The following PSMG2 variants were observed in gnomAD, a reference collection of about 807,000 sequenced individuals.
The protein encoded by PSMG2 is CD40 ligand-activated specific transcript 3.
PSMG2 carries 21 observed loss-of-function variants against 31.5 expected under a neutral mutation model. The ratio of observed to expected loss-of-function variants is 0.67; its 90% confidence interval spans 0.47 to 0.96. The LOEUF is 0.96. PSMG2 is among the 40% of genes least tolerant of loss of function. The probability of loss-of-function intolerance (pLI) is 0.00; values close to 1 mark genes in which losing one functional copy is unlikely to be tolerated. For missense variants in PSMG2, 318 were observed against 321.2 expected, an observed-to-expected ratio of 0.99 and a Z score of 0.08; for synonymous variants, 120 against 110.4, an observed-to-expected ratio of 1.09 and a Z score of -0.54.
intron 1 of PSMG2, among the ~76,000 whole-genome samples, chr18:12,683,186 CAAAAA>C (rs765652085): frequency 7.9e-5 from 5 of 63,662 alleles, no homozygotes; most frequent in Non-Finnish European, 1.2e-4. Flanking sequence ...CTAAAAATAC[CAAAAA>C]AAAAAAAAAA....
chr18:12,699,101 C>A (rs199598581), upstream of PSMG2: 14 of 1,613,912 alleles, frequency 8.7e-6, no homozygotes, highest in Non-Finnish European at 1.2e-5. Flanking sequence ...AAACGTTGAA[C>A]AAACTTGTCC....
chr18:12,720,086 A>G (rs2145150257), intron 4 of PSMG2, among the ~76,000 whole-genome samples: 1 of 144,012 alleles, frequency 6.9e-6, no homozygotes, highest in African/African-American at 2.6e-5. Context: ...TCACTCTGTC[A>G]CCCAGGCTGG....
intron 1 of PSMG2, among the ~76,000 whole-genome samples, chr18:12,706,204 C>T (rs995077718): frequency 5.9e-5 from 9 of 152,218 alleles, no homozygotes; most frequent in African/African-American, 2.2e-4. Flanking sequence ...CGTGTTGGCT[C>T]ACGCCTGTAA....
chr18:12,701,775 G>A (rs2040161083), upstream of PSMG2, among the ~76,000 whole-genome samples: 1 of 152,172 alleles, frequency 6.6e-6, no homozygotes, highest in Non-Finnish European at 1.5e-5. Flanking sequence ...ACTTATTTGA[G>A]AATTGCTGAT....
At chr18:12,688,162 C>T (rs901083954) in intron 1 of PSMG2, among the ~76,000 whole-genome samples, 15 of 139,720 alleles carry the variant, frequency 1.1e-4, no homozygotes, top group African/African-American at 4.0e-4. Context: ...ATCTGGGAGG[C>T]GGAGCTTGCA....
chr18:12,662,562 G>A (rs1371167777), intron 1 of PSMG2, among the ~76,000 whole-genome samples: 3 of 152,146 alleles, frequency 2.0e-5, no homozygotes, highest in Non-Finnish European at 4.4e-5. Flanking sequence ...CATCATTTGA[G>A]CTCACAAGTT....
At chr18:12,702,470 C>A (rs1264826253), upstream of PSMG2, 1 of 1,594,414 alleles carries the variant, frequency 6.3e-7, no homozygotes, top group Non-Finnish European at 8.6e-7. Context: ...TCTCTCCCAG[C>A]ACCCGCGACT....
intron 1 of PSMG2, among the ~76,000 whole-genome samples, chr18:12,674,286 A>T (rs549564459): frequency 2.0e-5 from 3 of 151,824 alleles, no homozygotes; most frequent in East Asian, 1.9e-4. Context: ...AAATAAAGAT[A>T]AAAAAAATAG....
At chr18:12,665,041 G>GT (rs1016107075) in intron 1 of PSMG2, 41 of 149,308 alleles carry the variant, frequency 2.7e-4, no homozygotes, top group Admixed American at 4.0e-4. Context: ...CTCAAAAAAG[G>GT]TTTTTTTTTT....
At chr18:12,718,469 A>G (rs200696191) in intron 3 of PSMG2, 48 bp from the exon 4 acceptor site, 33 of 1,217,418 alleles carry the variant, frequency 2.7e-5, no homozygotes, top group Middle Eastern at 2.0e-4. Context: ...TGTATGCTCT[A>G]AGACTAACTT....
At chr18:12,717,284 C>T (rs891114063) in intron 3 of PSMG2, among the ~76,000 whole-genome samples, 2 of 152,020 alleles carry the variant, frequency 1.3e-5, no homozygotes, top group Non-Finnish European at 2.9e-5. Flanking sequence ...CACTAGACTA[C>T]CTTCTTATTT....
intron 1 of PSMG2, among the ~76,000 whole-genome samples, chr18:12,675,221 C>G (rs2039080255): frequency 6.6e-6 from 1 of 152,038 alleles, no homozygotes; most frequent in South Asian, 2.1e-4. Flanking sequence ...AAGGTGAAAC[C>G]CTGTATCTAC....
intron 1 of PSMG2, chr18:12,658,831 G>C (rs1598597384): frequency 3.1e-6 from 1 of 320,988 alleles, no homozygotes; most frequent in East Asian, 8.9e-5. Flanking sequence ...TCTCCCAAAA[G>C]CTAAACCAGC....
intron 3 of PSMG2, among the ~76,000 whole-genome samples, chr18:12,713,135 T>G (rs2040346829): frequency 6.6e-6 from 1 of 152,228 alleles, no homozygotes; most frequent in Non-Finnish European, 1.5e-5. Context: ...ACTTCTTTCC[T>G]CCTCCACTGC....
intron 5 of PSMG2, 103 bp downstream of exon 5, chr18:12,720,786 C>A: frequency 8.6e-7 from 1 of 1,158,258 alleles, no homozygotes; most frequent in Non-Finnish European, 1.2e-6. Context: ...GGTGACAGAG[C>A]AAGACTCTGT....
chr18:12,688,024 A>C (rs373528439), intron 1 of PSMG2, among the ~76,000 whole-genome samples: 88 of 152,036 alleles, frequency 5.8e-4, no homozygotes, highest in African/African-American at 1.8e-3. Context: ...TGGGTGGATC[A>C]CGAGGTCAGG....
chr18:12,725,739 A>G lies in PSMG2; in HGVS notation c.*208A>G. On this transcript the variant is annotated 3_prime_UTR_variant, in exon 7 of 7. Coordinates refer to ENST00000317615, the MANE Select transcript of PSMG2 (RefSeq NM_020232.5). The stretch of plus-strand genomic sequence containing the variant: ...TACAATAAAATTTTATTTCCTAAGT[A>G]ATTTTGTCTTAAATGTATTTTTTTT... The G allele has an allele frequency of 2.4e-6, 1 of 414,292 alleles. No homozygotes were observed. Among genetic ancestry groups the G allele is most frequent in the Non-Finnish European group, 4.2e-6 (1 of 236,766 alleles). The allele number at this position is 414,292 out of a possible 1,614,324, so 25.7% of individuals were successfully genotyped here.
At chr18:12,686,222 T>C (rs1354112501) in intron 1 of PSMG2, 1 of 1,506,986 alleles carries the variant, frequency 6.6e-7, no homozygotes, top group African/African-American at 1.4e-5. Flanking sequence ...AGAGTAACTA[T>C]GATATACTGC....
chr18:12,705,725 A>C (rs531129041), intron 1 of PSMG2, among the ~76,000 whole-genome samples: 1 of 152,222 alleles, frequency 6.6e-6, no homozygotes, highest in Non-Finnish European at 1.5e-5. Flanking sequence ...TTGCTTTCCC[A>C]CTGCCTGGAA....
Sources: gnomAD v4.1 joint callset for allele counts (sites outside exome capture counted in the v4.1 genomes callset) on GRCh38, gnomAD v4.1.1 for gene constraint, MANE v1.5 for transcripts, NCBI Gene and HGNC (gene_info 2026-07-23, HGNC 2026-07-21) for gene names.